MYO1F: variants seen among roughly 807,000 people sequenced by gnomAD.
MYO1F encodes the protein myosin IF.
MYO1F carries 60 observed loss-of-function variants against 146.6 expected under a neutral mutation model. That is an observed-to-expected ratio of 0.41 (90% CI 0.33 to 0.51). The LOEUF (loss-of-function observed/expected upper bound fraction) is 0.51, where lower values mean the gene tolerates loss of function less well. Among genes scored for constraint, MYO1F ranks in the 20% least tolerant of loss-of-function variants. MYO1F has a pLI of 0.25. For missense variants in MYO1F, 1,274 were observed against 1,534.3 expected (o/e 0.83, Z 2.83); for synonymous variants, 602 against 602.1 (o/e 1.00, Z 0.00).
chr19:8,575,078 CT>C (rs576218913), intron 1 of MYO1F, among the ~76,000 whole-genome samples: 311 of 135,532 alleles, frequency 2.3e-3, no homozygotes, highest in Admixed American at 2.9e-3. Context: ...TTTTCTTTTT[CT>C]TTTTTTTTTT....
At position 8,553,890 on chromosome 19, in the gene MYO1F, A is replaced by ACTCTCTCTCT. The variant is rs750034709; in HGVS notation, c.327-454_327-453insAGAGAGAGAG. Among the ~76,000 whole-genome samples the ACTCTCTCTCT allele has an allele frequency of 5.3e-3, 304 of 57,856 alleles. 1 individual carries two copies. Among genetic ancestry groups the ACTCTCTCTCT allele is most frequent in the East Asian group, 0.048 (47 of 980 alleles). The allele number at this position is 57,856 out of a possible 152,430, so 38.0% of individuals were successfully genotyped here. A position where few individuals can be genotyped will look rare whatever the true frequency, so the allele number is the denominator to read the frequency against. On this transcript the variant is annotated intron_variant, in intron 4 of 27. Coordinates refer to ENST00000644032, the MANE Select transcript of MYO1F (RefSeq NM_012335.4). ...CTGTCACACACACACACACACACACACACACTCTCTCTCTCTCTCTCTCTC... is the reference window on the plus strand; with the variant it reads ...CTGTCACACACACACACACACACACACTCTCTCTCTCACACTCTCTCTCTCTCTCTCTCTC...
At chr19:8,552,500 C>T (rs1568360088) in intron 6 of MYO1F, among the ~76,000 whole-genome samples, 1 of 152,062 alleles carries the variant, frequency 6.6e-6, no homozygotes, top group African/African-American at 2.4e-5. Context: ...CTCCAGACCT[C>T]AAGTGATCCG....
Position 8,553,337 on chromosome 19 carries a change from T to C in MYO1F, c.414+13A>G. 6.2e-7 allele frequency: 1 copy of C among 1,613,836 alleles called. No homozygotes were observed. Among genetic ancestry groups the C allele is most frequent in the Non-Finnish European group, 8.5e-7 (1 of 1,179,838 alleles). ...GGGCGACCCAGCTTATCCTTCTGTT[T>C]TCCTCGTCTCACCTGGACCTTCTCG... On this transcript the variant is annotated intron_variant, in intron 5 of 27. Coordinates refer to ENST00000644032, the MANE Select transcript of MYO1F (RefSeq NM_012335.4).
At chr19:8,552,273 T>A in intron 6 of MYO1F, 109 bp from the exon 7 acceptor site, 1 of 1,223,040 alleles carries the variant, frequency 8.2e-7, no homozygotes, top group Non-Finnish European at 1.2e-6. Context: ...TTCCTTTTTT[T>A]TTTGAGACAG....
At chr19:8,542,079 G>A in intron 14 of MYO1F, 88 bp from the exon 15 acceptor site, 1 of 991,658 alleles carries the variant, frequency 1.0e-6, no homozygotes, top group Non-Finnish European at 1.6e-6. Flanking sequence ...AGGTGGTCAA[G>A]GCTTTCCTGG....
At chr19:8,540,662 A>G (rs544918691) in intron 15 of MYO1F, among the ~76,000 whole-genome samples, 1 of 150,984 alleles carries the variant, frequency 6.6e-6, no homozygotes, top group East Asian at 2.0e-4. Flanking sequence ...GTGAGCCGAG[A>G]TCGTGCCACT....
intron 17 of MYO1F, 30 bp downstream of exon 17, chr19:8,536,919 A>G (rs775498334): frequency 3.2e-6 from 4 of 1,244,678 alleles, no homozygotes; most frequent in East Asian, 4.7e-5. Context: ...CCTGGGGGGA[A>G]TGAATCTTGG....
intron 14 of MYO1F, 46 bp from the exon 15 acceptor site, chr19:8,542,037 C>G: frequency 2.0e-6 from 3 of 1,476,522 alleles, no homozygotes; most frequent in Non-Finnish European, 2.8e-6. Flanking sequence ...AGAAACCTGG[C>G]TGGGAGGGTG....
chr19:8,562,029 C>G (rs1018449879), intron 1 of MYO1F, among the ~76,000 whole-genome samples: 2 of 149,088 alleles, frequency 1.3e-5, no homozygotes, highest in African/African-American at 4.9e-5. Context: ...CTTCCTTTTT[C>G]TTTTTTTTTC....
chr19:8,547,085 G>T (rs1973391437), intron 12 of MYO1F, among the ~76,000 whole-genome samples: 1 of 151,838 alleles, frequency 6.6e-6, no homozygotes, highest in African/African-American at 2.4e-5. Context: ...ATTGCTTGAG[G>T]CCAGGAGTTC....
chr19:8,530,229 G>A lies in MYO1F; in HGVS notation c.2295C>T (p.Ala765=), dbSNP rs777364845. The change falls in exon 21 of 28, where the codon GCC becomes GCT. Residue 765 remains alanine (A), a synonymous_variant. Coordinates refer to ENST00000644032, the MANE Select transcript of MYO1F (RefSeq NM_012335.4). This position sits in a 1 kb window ranked among gnomAD's most constrained non-coding sequence, Gnocchi z 5.8. The stretch of plus-strand genomic sequence containing the variant: ...GGCGGTCGTACTTGGTGACCGAATC[G>A]GCGAAGTCCACCCGCTCCCTCTTGC... ...FLGKRERVDF[A]DSVTKYDRRF... is the part of the protein sequence containing the mutation. 2 of 1,614,034 alleles carry A rather than the reference G, an allele frequency of 1.2e-6. No homozygotes were observed. The highest frequency in any genetic ancestry group is 2.2e-5 in the East Asian group (1 of 44,882).
Position 8,530,634 on chromosome 19 carries a change from C to T in MYO1F, c.2044-61G>A, listed in dbSNP as rs938702772. 2.3e-5 allele frequency: 31 copies of T among 1,341,172 alleles called. 1 individual carries two copies. Among genetic ancestry groups the T allele is most frequent in the South Asian group, 1.8e-4 (15 of 85,690 alleles). The allele number at this position is 1,341,172 out of a possible 1,614,324, so 83.1% of individuals were successfully genotyped here. Reference sequence around the variant, plus strand: ...GGTGTCTCCCCAGGGGCTGCAGTTCCGGGTTTTCCCTGCGCTCACCCTACT... The same window carrying T: ...GGTGTCTCCCCAGGGGCTGCAGTTCTGGGTTTTCCCTGCGCTCACCCTACT... On this transcript the variant is annotated intron_variant, in intron 19 of 27. Coordinates refer to ENST00000644032, the MANE Select transcript of MYO1F (RefSeq NM_012335.4). This position sits in a 1 kb window ranked among gnomAD's most constrained non-coding sequence, Gnocchi z 5.8.
chr19:8,530,620 A>G lies in MYO1F; in HGVS notation c.2044-47T>C, dbSNP rs769196533. ...CAAGGGTGAGTCCTGGTGTCTCCCC[A>G]GGGGCTGCAGTTCCGGGTTTTCCCT... On this transcript the variant is annotated intron_variant, in intron 19 of 27. Coordinates refer to ENST00000644032, the MANE Select transcript of MYO1F (RefSeq NM_012335.4). The surrounding 1 kb of genome is among the most constrained non-coding windows in gnomAD (Gnocchi z 5.8). 4.4e-5 allele frequency: 64 copies of G among 1,458,452 alleles called. No individual in the cohort carries two copies. Among genetic ancestry groups the G allele is most frequent in the Non-Finnish European group, 5.9e-5 (62 of 1,049,124 alleles). 90.3% of individuals were successfully genotyped at this position (1,458,452 alleles called of 1,614,324 possible). A position where few individuals can be genotyped will look rare whatever the true frequency, so the allele number is the denominator to read the frequency against.
chr19:8,547,991 A>ACCC, intron 12 of MYO1F, 45 bp downstream of exon 12: 1 of 435,416 alleles, frequency 2.3e-6, no homozygotes, highest in Non-Finnish European at 4.3e-6. Context: ...CTTCCACCCC[A>ACCC]CCCCCACCCC....
At chr19:8,553,886 A>ACTCT (rs1568361465) in intron 4 of MYO1F, among the ~76,000 whole-genome samples, 3 of 77,376 alleles carry the variant, frequency 3.9e-5, no homozygotes, top group Non-Finnish European at 8.2e-5. Context: ...ACACACACAC[A>ACTCT]CACACACACT....
At position 8,522,436 on chromosome 19, in the gene MYO1F, C is replaced by T; in HGVS notation, c.3161G>A (p.Gly1054Asp). 6.2e-7 allele frequency: 1 copy of T among 1,614,190 alleles called. No homozygotes were observed. The highest frequency in any genetic ancestry group is 8.5e-7 in the Non-Finnish European group (1 of 1,180,032). ...PRCRALYQYV[G>D]QDVDELSFNV... ...GAAGCTCAGCTCGTCCACATCTTGG[C>T]CCACGTACTGGTATAGGGCCCGGCA... The change falls in exon 27 of 28, where the codon GGC becomes GAC. Residue 1054 changes from glycine to aspartate, a missense_variant. Transcript: ENST00000644032.
At position 8,540,258 on chromosome 19, in the gene MYO1F, A is replaced by G. The variant is rs1599945237; in HGVS notation, c.1611-230T>C. 1.1e-5 allele frequency: 5 copies of G among 461,956 alleles called. No homozygotes were observed. In the East Asian group the frequency reaches 1.6e-4, roughly 15 times the overall value. 28.6% of individuals were successfully genotyped at this position (461,956 alleles called of 1,614,324 possible). On this transcript the variant is annotated intron_variant, in intron 15 of 27. Coordinates refer to ENST00000644032, the MANE Select transcript of MYO1F (RefSeq NM_012335.4). ...GCATTGGTGCGATGATAGGAACTGCAGCCTGGAACTCCTGGGCTCAAGCCA... is the reference window on the plus strand; with the variant it reads ...GCATTGGTGCGATGATAGGAACTGCGGCCTGGAACTCCTGGGCTCAAGCCA...
Position 8,555,773 on chromosome 19 carries a change from C to A in MYO1F, c.27G>T (p.Trp9Cys). 2 of 1,613,724 alleles carry A rather than the reference C, an allele frequency of 1.2e-6. No homozygotes were observed. Among genetic ancestry groups the A allele is most frequent in the Non-Finnish European group, 1.7e-6 (2 of 1,179,964 alleles). ...CGCTCTGCTTCACGTTGTGGCTCTG[C>A]CAGTGGAAGCGCTCCTTGCTGCCCT... is the stretch of plus-strand genomic sequence containing the variant. MGSKERFHWQSHNVKQSGV... is the reference protein window; with the variant it reads MGSKERFHCQSHNVKQSGV... The change falls in exon 2 of 28, where the codon TGG (tryptophan) becomes TGT (cysteine). Residue 9 changes from tryptophan to cysteine, a missense_variant. Trp to Cys is a radical substitution (Grantham distance 215). Around this residue, in one of 2 missense-constraint regions of MYO1F, gnomAD observed 900 missense variants for 1,155.1 expected, o/e 0.78. Transcript: ENST00000644032.
chr19:8,551,915 G>C, intron 7 of MYO1F, 41 bp from the exon 8 acceptor site: 1 of 1,613,892 alleles, frequency 6.2e-7, no homozygotes, highest in African/African-American at 1.3e-5. Context: ...TGCTTGCCTG[G>C]CTCAGCCCCT....
Sources: allele counts gnomAD v4.1 joint callset (sites outside exome capture counted in the v4.1 genomes callset), GRCh38; gene constraint gnomAD v4.1.1; regional missense constraint gnomAD v4.1.1; non-coding constraint Gnocchi (gnomAD v3.1); transcripts MANE v1.5; gene names NCBI Gene and HGNC (gene_info 2026-07-23, HGNC 2026-07-21).